Variants in UNC5D observed in about 807,000 individuals in gnomAD.
UNC5D encodes the protein netrin receptor UNC5D.
Under a neutral mutation model 105.4 loss-of-function variants are expected in UNC5D, and 39 were observed. The ratio of observed to expected loss-of-function variants is 0.37; its 90% CI spans 0.29 to 0.48. The LOEUF (loss-of-function observed/expected upper bound fraction) is 0.48, where lower values mean the gene tolerates loss of function less well. Among genes scored for constraint, UNC5D ranks in the 20% least tolerant of loss-of-function variants. UNC5D has a pLI of 0.98. For missense variants in UNC5D, 991 were observed against 1,202.4 expected (o/e 0.82, Z 2.60); for synonymous variants, 452 against 450.4 (o/e 1.00, Z -0.04).
intron 4 of UNC5D, among the ~76,000 whole-genome samples, chr8:35,667,740 C>G (rs988539209): frequency 1.3e-5 from 2 of 152,106 alleles, no homozygotes; most frequent in African/African-American, 4.8e-5. Context: ...GCTTTTTATG[C>G]TCAAGAATGT....
rs186589128 is a variant in UNC5D, at chr8:35,350,183, G to A, written c.103+114296G>A. ...GACATGTGCAACAAATTATGCGTAC[G>A]AGAATGTTTACAGTACAGTTCCATT... On this transcript the variant is annotated intron_variant, in intron 1 of 16. Coordinates refer to ENST00000404895, the MANE Select transcript of UNC5D (RefSeq NM_080872.4). Among the ~76,000 whole-genome samples the A allele has an allele frequency of 1.2e-4, 18 of 152,068 alleles. No homozygotes were observed. The East Asian group carries it at 2.7e-3, about 23-fold the overall frequency.
intron 4 of UNC5D, among the ~76,000 whole-genome samples, chr8:35,629,058 T>G (rs1821868593): frequency 6.6e-6 from 1 of 152,178 alleles, no homozygotes; most frequent in Non-Finnish European, 1.5e-5. Context: ...GCAGAGTTTC[T>G]AATTCTTTGC....
intron 1 of UNC5D, among the ~76,000 whole-genome samples, chr8:35,505,485 G>C (rs1455158200): frequency 6.6e-6 from 1 of 152,228 alleles, no homozygotes; most frequent in Non-Finnish European, 1.5e-5. Flanking sequence ...CATCAGATGT[G>C]AGTGGAATTA....
chr8:35,442,761 T>C (rs1355878731), intron 1 of UNC5D, among the ~76,000 whole-genome samples: 1 of 152,008 alleles, frequency 6.6e-6, no homozygotes, highest in Non-Finnish European at 1.5e-5. Context: ...GTGTTTGTTG[T>C]AGCTATTATA....
At chr8:35,515,102 A>G (rs1408758627) in intron 1 of UNC5D, among the ~76,000 whole-genome samples, 1 of 152,220 alleles carries the variant, frequency 6.6e-6, no homozygotes, top group Non-Finnish European at 1.5e-5. Context: ...ACACACTCAC[A>G]TAGTTCTGAA....
At chr8:35,636,926 G>A (rs1384274292) in intron 4 of UNC5D, among the ~76,000 whole-genome samples, 3 of 152,188 alleles carry the variant, frequency 2.0e-5, no homozygotes, top group Non-Finnish European at 4.4e-5. Flanking sequence ...AGTGAGACCA[G>A]GACTTCGAGT....
intron 1 of UNC5D, among the ~76,000 whole-genome samples, chr8:35,406,379 T>A (rs1804801795): frequency 6.6e-6 from 1 of 152,198 alleles, no homozygotes. Context: ...TATTTTTTTA[T>A]GAAAATGAAC....
At position 35,709,698 on chromosome 8, in the gene UNC5D, CAAAAT is replaced by C. The variant is rs532334032; in HGVS notation, c.1117+3750_1117+3754del. ...GAGCAAGACTGTCTCAAAAATAAAACAAAATAAAATAAAATAAGTTATGTTTAAGA... is the reference window on the plus strand; with the variant it reads ...GAGCAAGACTGTCTCAAAAATAAAACAAAATAAAATAAGTTATGTTTAAGA... On this transcript the variant is annotated intron_variant, in intron 8 of 16. Coordinates refer to ENST00000404895, the MANE Select transcript of UNC5D (RefSeq NM_080872.4). 6.4e-4 allele frequency among the ~76,000 whole-genome samples: 97 copies of C among 152,034 alleles called. 1 individual carries two copies. The highest frequency in any genetic ancestry group is 7.9e-4 in the Non-Finnish European group (54 of 67,976).
intron 1 of UNC5D, among the ~76,000 whole-genome samples, chr8:35,372,421 G>T (rs1403647410): frequency 6.6e-6 from 1 of 152,034 alleles, no homozygotes; most frequent in Non-Finnish European, 1.5e-5. Flanking sequence ...ACCATGCCCA[G>T]ATCTAGTTTT....
At chr8:35,762,184 C>T (rs985057711) in intron 14 of UNC5D, among the ~76,000 whole-genome samples, 27 of 152,064 alleles carry the variant, frequency 1.8e-4, no homozygotes, top group African/African-American at 6.5e-4. Flanking sequence ...CAGAAAGGTA[C>T]AAGCTAGGGA....
intron 4 of UNC5D, among the ~76,000 whole-genome samples, chr8:35,604,971 T>G (rs1820179656): frequency 6.6e-6 from 1 of 152,198 alleles, no homozygotes; most frequent in Non-Finnish European, 1.5e-5. Context: ...GTTTTTAACT[T>G]CTTCACCATT....
chr8:35,746,417 A>T (rs1439618684), intron 11 of UNC5D, among the ~76,000 whole-genome samples: 1 of 144,588 alleles, frequency 6.9e-6, no homozygotes, highest in South Asian at 2.2e-4. Flanking sequence ...CTTCTGGTGA[A>T]GTTTTGTTCC....
chr8:35,680,298 T>A lies in UNC5D; in HGVS notation c.571-3249T>A, dbSNP rs189174549. ...TCCATGTGTGTTTCAGAGAGAGATTTTAATCTTGGCTATTTTGGTAGGAAA... is the reference window on the plus strand; with the variant it reads ...TCCATGTGTGTTTCAGAGAGAGATTATAATCTTGGCTATTTTGGTAGGAAA... On this transcript the variant is annotated intron_variant, in intron 4 of 16. Transcript: ENST00000404895. Among the ~76,000 whole-genome samples, 277 of 152,342 alleles carry A rather than the reference T, an allele frequency of 1.8e-3. 1 individual carries two copies. The highest frequency in any genetic ancestry group is 6.5e-3 in the African/African-American group (269 of 41,586).
chr8:35,524,727 CAACTT>C (rs1395882267), intron 1 of UNC5D, among the ~76,000 whole-genome samples: 9 of 150,616 alleles, frequency 6.0e-5, no homozygotes, highest in Middle Eastern at 3.5e-3. Context: ...GCTCTGGTCT[CAACTT>C]AAGAATCACA....
chr8:35,384,146 T>G (rs1803224619), intron 1 of UNC5D, among the ~76,000 whole-genome samples: 1 of 149,444 alleles, frequency 6.7e-6, no homozygotes, highest in African/African-American at 2.5e-5. Flanking sequence ...TGTGAACCTG[T>G]GAGGCGGAGT....
chr8:35,492,455 A>G (rs538484421), intron 1 of UNC5D, among the ~76,000 whole-genome samples: 1 of 152,270 alleles, frequency 6.6e-6, no homozygotes, highest in East Asian at 1.9e-4. Context: ...AAAGTTGGCC[A>G]TCAGTGATTG....
chr8:35,447,370 G>A (rs1807868319), intron 1 of UNC5D, among the ~76,000 whole-genome samples: 1 of 152,056 alleles, frequency 6.6e-6, no homozygotes, highest in Non-Finnish European at 1.5e-5. Context: ...TTTTTTAAGA[G>A]AGCTGCAGCT....
intron 1 of UNC5D, among the ~76,000 whole-genome samples, chr8:35,271,680 TATGTATAC>T (rs55976043): frequency 0.56 from 44,941 of 79,986 alleles, 9,972 homozygotes; most frequent in East Asian, 0.76. Context: ...TATACATATA[TATGTATAC>T]ATGTATACAT....
intron 1 of UNC5D, among the ~76,000 whole-genome samples, chr8:35,298,797 A>G (rs1159219112): frequency 1.3e-5 from 2 of 152,182 alleles, no homozygotes; most frequent in African/African-American, 4.8e-5. Flanking sequence ...TACTGAATTT[A>G]AGTATTGGCA....
Sources: allele counts gnomAD v4.1 joint callset (sites outside exome capture counted in the v4.1 genomes callset), GRCh38; gene constraint gnomAD v4.1.1; transcripts MANE v1.5; gene names NCBI Gene and HGNC (gene_info 2026-07-23, HGNC 2026-07-21).